ENPP2: variants seen among roughly 807,000 people sequenced by gnomAD.
ENPP2 encodes ectonucleotide pyrophosphatase/phosphodiesterase 2.
ENPP2 carries 51 observed loss-of-function variants against 120.2 expected under a neutral mutation model. That is an observed-to-expected ratio of 0.42 (90% CI 0.34 to 0.54). ENPP2 has a LOEUF of 0.54. Ranked by LOEUF, ENPP2 falls within the 20% of genes least tolerant of loss-of-function variation. ENPP2 has a pLI of 0.04. For missense variants in ENPP2, 920 were observed against 1,066.5 expected (o/e 0.86, Z 1.91); for synonymous variants, 365 against 366.4 (o/e 1.00, Z 0.04).
intron 1 of ENPP2, among the ~76,000 whole-genome samples, chr8:119,659,784 T>C (rs769429084): frequency 6.6e-6 from 1 of 152,228 alleles, no homozygotes; most frequent in Non-Finnish European, 1.5e-5. Flanking sequence ...GATCAAATTA[T>C]AGATGGAGGT....
At chr8:119,592,333 C>T (rs911497268) in intron 12 of ENPP2, among the ~76,000 whole-genome samples, 4 of 151,880 alleles carry the variant, frequency 2.6e-5, no homozygotes, top group African/African-American at 9.7e-5. Context: ...TTTAGCCGGG[C>T]CTGGTGGCAG....
In ENPP2 at chr8:119,626,725, A is replaced by G. The variant is rs774196579; in HGVS notation, c.137-5T>C. 82 of 1,613,738 alleles carry G rather than the reference A, an allele frequency of 5.1e-5. No individual in the cohort carries two copies. The highest frequency in any genetic ancestry group is 6.9e-5 in the Non-Finnish European group (81 of 1,179,804). Reference sequence around the variant, plus strand: ...TCCAGGGGGAGTCTGATAGCACTGCAAAGAACAAGAGGCAAAAACAATGGA... The same window carrying G: ...TCCAGGGGGAGTCTGATAGCACTGCGAAGAACAAGAGGCAAAAACAATGGA... On this transcript the variant is annotated splice_region_variant and splice_polypyrimidine_tract_variant and intron_variant, in intron 2 of 24. Transcript: ENST00000075322.
At chr8:119,621,297 C>T (rs1815876776) in intron 4 of ENPP2, 97 bp downstream of exon 4, 1 of 1,064,692 alleles carries the variant, frequency 9.4e-7, no homozygotes, top group Non-Finnish European at 1.4e-6. Flanking sequence ...CTCCCAAACT[C>T]ATATCCAGTG....
chr8:119,561,773 C>T (rs1342252392), intron 24 of ENPP2, among the ~76,000 whole-genome samples: 11 of 151,426 alleles, frequency 7.3e-5, no homozygotes, highest in Non-Finnish European at 1.2e-4. Flanking sequence ...ATTTCTTTCT[C>T]GCTTGCTCTT....
intron 1 of ENPP2, 47 bp from the exon 2 acceptor site, chr8:119,638,574 TA>T (rs1333679329): frequency 8.4e-7 from 1 of 1,183,586 alleles, no homozygotes; most frequent in Admixed American, 1.7e-5. Context: ...TGGAGAAGAC[TA>T]AATCAAATTA....
chr8:119,621,577 C>T, intron 3 of ENPP2, 58 bp from the exon 4 acceptor site: 10 of 1,570,678 alleles, frequency 6.4e-6, no homozygotes, highest in Non-Finnish European at 8.7e-6. Context: ...TGAAAGAAGC[C>T]ACAATTGCTT....
intron 2 of ENPP2, among the ~76,000 whole-genome samples, chr8:119,628,959 T>C (rs79333494): frequency 0.032 from 4,852 of 152,298 alleles, 250 homozygotes; most frequent in African/African-American, 0.11. Context: ...TCTAACATTC[T>C]ACAAATTCAC....
At chr8:119,584,445 T>C (rs758138242) in intron 15 of ENPP2, among the ~76,000 whole-genome samples, 7 of 152,202 alleles carry the variant, frequency 4.6e-5, no homozygotes, top group Non-Finnish European at 7.3e-5. Flanking sequence ...TGTCAAGACA[T>C]AGTTGGCACT....
chr8:119,570,571 T>TC, intron 20 of ENPP2, 134 bp downstream of exon 20: 1 of 557,364 alleles, frequency 1.8e-6, no homozygotes. Context: ...TTACAATAAA[T>TC]CCAACATAGG....
At chr8:119,575,572 T>C (rs534151752) in intron 19 of ENPP2, among the ~76,000 whole-genome samples, 40 of 152,182 alleles carry the variant, frequency 2.6e-4, no homozygotes, top group Non-Finnish European at 4.6e-4. Flanking sequence ...TAAGAAGCAT[T>C]TTCAGATGAA....
At chr8:119,638,873 A>G, upstream of ENPP2, 1 of 1,525,084 alleles carries the variant, frequency 6.6e-7, no homozygotes, top group South Asian at 1.1e-5. Flanking sequence ...TATTAACTAT[A>G]AGCAATCCCA....
intron 11 of ENPP2, among the ~76,000 whole-genome samples, chr8:119,598,102 C>A (rs1814032600): frequency 6.6e-6 from 1 of 151,972 alleles, no homozygotes; most frequent in Admixed American, 6.6e-5. Context: ...GTGTATAAAC[C>A]AATTAGCCTA....
At chr8:119,576,070 A>T (rs1812311944) in intron 19 of ENPP2, among the ~76,000 whole-genome samples, 1 of 152,214 alleles carries the variant, frequency 6.6e-6, no homozygotes, top group African/African-American at 2.4e-5. Flanking sequence ...GCTAAAGAAG[A>T]TGTTCCCTCT....
intron 2 of ENPP2, among the ~76,000 whole-genome samples, chr8:119,637,616 A>G (rs1361613773): frequency 6.6e-6 from 1 of 152,162 alleles, no homozygotes; most frequent in African/African-American, 2.4e-5. Context: ...TCCAGAAAAT[A>G]TTGTTCCCTA....
intron 14 of ENPP2, 61 bp downstream of exon 14, chr8:119,586,983 G>C (rs1450764182): frequency 2.0e-6 from 3 of 1,474,126 alleles, no homozygotes; most frequent in Non-Finnish European, 2.8e-6. Flanking sequence ...ACACAGGAGG[G>C]AGGCTGCTCC....
At chr8:119,634,863 A>G (rs1489128308) in intron 2 of ENPP2, among the ~76,000 whole-genome samples, 1 of 152,206 alleles carries the variant, frequency 6.6e-6, no homozygotes. Flanking sequence ...TACAGTTTTC[A>G]GATAGATGAA....
intron 11 of ENPP2, among the ~76,000 whole-genome samples, chr8:119,595,220 C>A (rs1165206886): frequency 6.6e-6 from 1 of 152,210 alleles, no homozygotes; most frequent in African/African-American, 2.4e-5. Context: ...TCTTAGGGAT[C>A]AGTTCAGAGG....
At chr8:119,650,391 G>T (rs1429940788) in intron 1 of ENPP2, among the ~76,000 whole-genome samples, 1 of 152,124 alleles carries the variant, frequency 6.6e-6, no homozygotes, top group Non-Finnish European at 1.5e-5. Flanking sequence ...TCCTAAAATT[G>T]CATAATGGTG....
intron 8 of ENPP2, among the ~76,000 whole-genome samples, chr8:119,612,345 T>G (rs903579105): frequency 6.6e-6 from 1 of 152,018 alleles, no homozygotes; most frequent in African/African-American, 2.4e-5. Flanking sequence ...ATATTGTCTC[T>G]TTATCAGGAC....
Sources: allele counts gnomAD v4.1 joint callset (sites outside exome capture counted in the v4.1 genomes callset), GRCh38; gene constraint gnomAD v4.1.1; transcripts MANE v1.5; gene names NCBI Gene and HGNC (gene_info 2026-07-23, HGNC 2026-07-21).